The following NLGN1 variants were observed in gnomAD, a reference collection of about 807,000 sequenced individuals.
NLGN1 encodes the protein neuroligin-1.
Under a neutral mutation model 65.5 loss-of-function variants are expected in NLGN1, and 12 were observed. The observed-to-expected ratio is 0.18, with a 90% CI of 0.12 to 0.30. NLGN1 has a LOEUF of 0.30. Ranked by LOEUF, NLGN1 falls within the 10% of genes least tolerant of loss-of-function variation. The pLI is 1.00. For synonymous variants in NLGN1, 350 were observed against 359.5 expected (o/e 0.97, Z 0.30); for missense variants, 750 against 1,007.1 (o/e 0.74, Z 3.46).
At chr3:173,544,677 TAA>T (rs1739468506) in intron 2 of NLGN1, among the ~76,000 whole-genome samples, 2 of 151,612 alleles carry the variant, frequency 1.3e-5, no homozygotes, top group South Asian at 4.2e-4. Context: ...AGGAAAAAAA[TAA>T]GTTAAAAAAA....
rs66827074 is a variant in NLGN1, at chr3:173,584,399, A to ATTTTTTTTTTT, written c.-320-19857_-320-19847dup. Among the ~76,000 whole-genome samples the ATTTTTTTTTTT allele has an allele frequency of 2.3e-4, 7 of 30,820 alleles. 1 individual carries two copies. In the East Asian group the frequency reaches 6.9e-3, roughly 30 times the overall value. The allele number at this position is 30,820 out of a possible 152,430, so 20.2% of individuals were successfully genotyped here. A position where few individuals can be genotyped will look rare whatever the true frequency, so the allele number is the denominator to read the frequency against. On this transcript the variant is annotated intron_variant, in intron 2 of 6. Transcript: ENST00000457714. ...TTAGGGTAAAACCAGGGTCCTCGGC[A>ATTTTTTTTTTT]TTTTTTTTTTTTTTTTTTTTTTTTT... is the stretch of plus-strand genomic sequence containing the variant.
intron 2 of NLGN1, among the ~76,000 whole-genome samples, chr3:173,519,323 C>A (rs965068504): frequency 6.6e-6 from 1 of 152,202 alleles, no homozygotes; most frequent in Non-Finnish European, 1.5e-5. Context: ...CATTGGGACA[C>A]TGCCTAAGGG....
chr3:173,675,848 C>G (rs1047477603), intron 3 of NLGN1, among the ~76,000 whole-genome samples: 7 of 146,934 alleles, frequency 4.8e-5, no homozygotes, highest in African/African-American at 7.7e-5. Context: ...CTCTGTCTCT[C>G]TCTCTTTCTC....
chr3:173,688,222 C>T (rs935729411), intron 3 of NLGN1, among the ~76,000 whole-genome samples: 4 of 152,136 alleles, frequency 2.6e-5, no homozygotes, highest in South Asian at 4.1e-4. Context: ...GCTTTGTAAA[C>T]CGTTAAGCCA....
At chr3:173,434,223 C>T (rs1392745931) in intron 1 of NLGN1, among the ~76,000 whole-genome samples, 1 of 152,138 alleles carries the variant, frequency 6.6e-6, no homozygotes, top group Non-Finnish European at 1.5e-5. Context: ...TCTCAAGTTT[C>T]CTTTTTTCAT....
At chr3:173,888,282 C>G (rs1417773079) in intron 4 of NLGN1, among the ~76,000 whole-genome samples, 1 of 151,960 alleles carries the variant, frequency 6.6e-6, no homozygotes, top group Non-Finnish European at 1.5e-5. Context: ...TCCTCAGATG[C>G]TCAAATCCGT....
chr3:174,220,692 T>C (rs1372366249), intron 4 of NLGN1, among the ~76,000 whole-genome samples: 1 of 132,864 alleles, frequency 7.5e-6, no homozygotes, highest in African/African-American at 2.8e-5. Context: ...AGATCCATTT[T>C]TTGAATCCTA....
chr3:174,215,594 G>A (rs987737915), intron 4 of NLGN1, among the ~76,000 whole-genome samples: 2 of 152,118 alleles, frequency 1.3e-5, no homozygotes, highest in African/African-American at 4.8e-5. Context: ...GAAGATATTC[G>A]AGTGATGATT....
Position 174,166,855 on chromosome 3 carries a change from G to A in NLGN1, c.647-108460G>A, listed in dbSNP as rs545554521. Among the ~76,000 whole-genome samples, 10 of 152,014 alleles carry A rather than the reference G, an allele frequency of 6.6e-5. No homozygotes were observed. In the South Asian group the frequency reaches 1.0e-3, roughly 16 times the overall value. On this transcript the variant is annotated intron_variant, in intron 4 of 6. Transcript: ENST00000457714. Reference sequence around the variant, plus strand: ...TCTATAAGTACTTTTTTATGAATACGGGTGCTCTATGGTTGGGTGTGTAGA... The same window carrying A: ...TCTATAAGTACTTTTTTATGAATACAGGTGCTCTATGGTTGGGTGTGTAGA...
At chr3:173,933,405 C>T (rs1579270214) in intron 4 of NLGN1, among the ~76,000 whole-genome samples, 1 of 152,050 alleles carries the variant, frequency 6.6e-6, no homozygotes, top group East Asian at 1.9e-4. Context: ...TTCAAAGGAT[C>T]TGTGGATTAA....
At chr3:174,013,176 G>A (rs1000966149) in intron 4 of NLGN1, among the ~76,000 whole-genome samples, 2 of 152,176 alleles carry the variant, frequency 1.3e-5, no homozygotes, top group Non-Finnish European at 2.9e-5. Context: ...TCTTGAGTGA[G>A]TCCAATTTTT....
chr3:173,759,989 A>G (rs957207811), intron 3 of NLGN1, among the ~76,000 whole-genome samples: 5 of 151,950 alleles, frequency 3.3e-5, no homozygotes, highest in South Asian at 2.1e-4. Context: ...TTCACTTACT[A>G]AATTAGACCA....
chr3:174,028,742 A>G (rs901504291), intron 4 of NLGN1, among the ~76,000 whole-genome samples: 4 of 152,252 alleles, frequency 2.6e-5, no homozygotes, highest in East Asian at 3.9e-4. Context: ...AAAAATTTGC[A>G]TAAGTCATGA....
intron 4 of NLGN1, among the ~76,000 whole-genome samples, chr3:173,840,027 C>A (rs1052122601): frequency 6.6e-6 from 1 of 152,166 alleles, no homozygotes; most frequent in African/African-American, 2.4e-5. Context: ...CCAGCTTAAC[C>A]ACTGTGCTAT....
chr3:174,077,789 C>T (rs949839181), intron 4 of NLGN1, among the ~76,000 whole-genome samples: 2 of 152,088 alleles, frequency 1.3e-5, no homozygotes, highest in African/African-American at 4.8e-5. Flanking sequence ...CTCCTGACCT[C>T]ATGATCTGCT....
At chr3:173,844,206 G>A (rs1309483932) in intron 4 of NLGN1, among the ~76,000 whole-genome samples, 2 of 152,072 alleles carry the variant, frequency 1.3e-5, no homozygotes, top group African/African-American at 2.4e-5. Flanking sequence ...ACACCACATG[G>A]GGATTATGGG....
chr3:173,488,460 A>G (rs1048568810), intron 2 of NLGN1, among the ~76,000 whole-genome samples: 1 of 151,974 alleles, frequency 6.6e-6, no homozygotes, highest in Non-Finnish European at 1.5e-5. Flanking sequence ...ATTTCTTTCA[A>G]TGGCATTCTG....
intron 3 of NLGN1, among the ~76,000 whole-genome samples, chr3:173,805,326 T>C (rs1240642547): frequency 6.6e-6 from 1 of 152,194 alleles, no homozygotes; most frequent in East Asian, 1.9e-4. Flanking sequence ...GGAAAAGAAC[T>C]GCTCAATATC....
At chr3:173,445,285 A>ACC (rs1720036349) in intron 2 of NLGN1, among the ~76,000 whole-genome samples, 2 of 147,426 alleles carry the variant, frequency 1.4e-5, no homozygotes, top group Non-Finnish European at 3.0e-5. Context: ...AAAAAAAAAA[A>ACC]AAAAAAAAAA....
Sources: gnomAD v4.1 joint callset for allele counts (sites outside exome capture counted in the v4.1 genomes callset) on GRCh38, gnomAD v4.1.1 for gene constraint, MANE v1.5 for transcripts, NCBI Gene and HGNC (gene_info 2026-07-23, HGNC 2026-07-21) for gene names.